Variants in SCAPER observed in about 807,000 individuals in gnomAD.
The protein encoded by SCAPER is S-phase cyclin A associated protein in the ER, also known as S phase cyclin A-associated protein in the endoplasmic reticulum.
In SCAPER, 98 loss-of-function variants were observed where a neutral mutation model predicts 182.2. The ratio of observed to expected loss-of-function variants is 0.54; its 90% confidence interval spans 0.46 to 0.64. SCAPER has a LOEUF of 0.64. Ranked by LOEUF, SCAPER falls within the 30% of genes least tolerant of loss-of-function variation. SCAPER has a pLI of 0.00. For synonymous variants in SCAPER, 605 were observed against 564.6 expected, an observed-to-expected ratio of 1.07 and a Z score of -1.01; for missense variants, 1,432 against 1,690.0, an observed-to-expected ratio of 0.85 and a Z score of 2.68.
At position 76,603,794 on chromosome 15, in the gene SCAPER, T is replaced by C. The variant is rs2050111550; in HGVS notation, c.2711+17970A>G. Among the ~76,000 whole-genome samples the C allele has an allele frequency of 4.1e-5, 5 of 122,502 alleles. 2 individuals are homozygous for C. The allele number at this position is 122,502 out of a possible 152,430, so 80.4% of individuals were successfully genotyped here. Reference sequence around the variant, plus strand: ...CTCTGATGGACAGTGATGATGAGCATTTTTTCATGTGTCTGTTGGCTGCAT... The same window carrying C: ...CTCTGATGGACAGTGATGATGAGCACTTTTTCATGTGTCTGTTGGCTGCAT... On this transcript the variant is annotated intron_variant, in intron 22 of 31. Coordinates refer to ENST00000563290, the MANE Select transcript of SCAPER (RefSeq NM_020843.4).
chr15:76,508,263 C>A (rs920633473), intron 23 of SCAPER, among the ~76,000 whole-genome samples: 1 of 152,064 alleles, frequency 6.6e-6, no homozygotes, highest in African/African-American at 2.4e-5. Context: ...ATTTTCTTTG[C>A]TGTATATTTT....
intron 20 of SCAPER, among the ~76,000 whole-genome samples, chr15:76,667,989 A>G (rs2056747714): frequency 6.6e-6 from 1 of 152,104 alleles, no homozygotes; most frequent in Non-Finnish European, 1.5e-5. Flanking sequence ...AAGTCTCCTC[A>G]AAATCTCCAG....
At chr15:76,601,358 C>CA (rs2049922663) in intron 22 of SCAPER, among the ~76,000 whole-genome samples, 1 of 122,064 alleles carries the variant, frequency 8.2e-6, no homozygotes, top group African/African-American at 2.5e-5. Context: ...GCATATATGA[C>CA]AGTGGTCCCA....
intron 28 of SCAPER, among the ~76,000 whole-genome samples, chr15:76,379,282 G>A (rs1053920790): frequency 1.3e-5 from 2 of 151,872 alleles, no homozygotes; most frequent in Non-Finnish European, 2.9e-5. Flanking sequence ...GGAGAGACAG[G>A]AGAGAGACAC....
At position 76,829,635 on chromosome 15, in the gene SCAPER, G is replaced by A. The variant is rs759483794; in HGVS notation, c.393+12099C>T. On this transcript the variant is annotated intron_variant, in intron 5 of 31. Coordinates refer to ENST00000563290, the MANE Select transcript of SCAPER (RefSeq NM_020843.4). ...ATGCATCTGCTTGAAGAACATTAGC[G>A]CAAGATTAATCCATATACCCACCAT... Among the ~76,000 whole-genome samples, 22 of 152,040 alleles carry A rather than the reference G, an allele frequency of 1.4e-4. 1 individual carries two copies. The highest frequency in any genetic ancestry group is 4.1e-4 in the African/African-American group (17 of 41,450).
chr15:76,499,945 G>A (rs926997880), intron 24 of SCAPER, among the ~76,000 whole-genome samples: 1 of 152,196 alleles, frequency 6.6e-6, no homozygotes, highest in Non-Finnish European at 1.5e-5. Context: ...TAATTAGGCA[G>A]TATAATATGG....
intron 21 of SCAPER, among the ~76,000 whole-genome samples, chr15:76,662,152 A>G (rs781110157): frequency 1.3e-5 from 2 of 152,156 alleles, no homozygotes; most frequent in Non-Finnish European, 2.9e-5. Context: ...GGACACAGGG[A>G]GGGGAACAAC....
intron 15 of SCAPER, among the ~76,000 whole-genome samples, chr15:76,739,964 C>T (rs971007900): frequency 1.3e-5 from 2 of 152,076 alleles, no homozygotes; most frequent in Non-Finnish European, 2.9e-5. Flanking sequence ...ACCAGGAGTT[C>T]GAGACCAGCC....
chr15:76,537,141 C>T (rs1329542223), intron 23 of SCAPER, among the ~76,000 whole-genome samples: 1 of 151,492 alleles, frequency 6.6e-6, no homozygotes, highest in African/African-American at 2.4e-5. Flanking sequence ...GGCCATACTG[C>T]CCAAGGTAAT....
At chr15:76,505,026 T>C (rs2041456087) in intron 23 of SCAPER, 52 bp from the exon 24 acceptor site, 1 of 1,284,090 alleles carries the variant, frequency 7.8e-7, no homozygotes, top group East Asian at 2.4e-5. Flanking sequence ...CATTAAACTA[T>C]AACCAAATGA....
chr15:76,830,876 C>T (rs59572944), intron 5 of SCAPER, among the ~76,000 whole-genome samples: 7,707 of 151,740 alleles, frequency 0.051, 580 homozygotes, highest in African/African-American at 0.16. Flanking sequence ...GAAGACAGAT[C>T]CTGGGGCTGA....
Position 76,674,140 on chromosome 15 carries a change from T to C in SCAPER, c.2509-8351A>G, listed in dbSNP as rs146422985. On this transcript the variant is annotated intron_variant, in intron 20 of 31. Coordinates refer to ENST00000563290, the MANE Select transcript of SCAPER (RefSeq NM_020843.4). Reference sequence around the variant, plus strand: ...GATGAGGGAACCATTTCTTTATAAATGTATTACAAATAATAAATGAAAATG... The same window carrying C: ...GATGAGGGAACCATTTCTTTATAAACGTATTACAAATAATAAATGAAAATG... Among the ~76,000 whole-genome samples, 549 of 152,306 alleles carry C rather than the reference T, an allele frequency of 3.6e-3. 2 individuals are homozygous for C. The highest frequency in any genetic ancestry group is 0.013 in the African/African-American group (527 of 41,574).
intron 29 of SCAPER, among the ~76,000 whole-genome samples, chr15:76,370,308 T>TG (rs2042073665): frequency 2.2e-4 from 30 of 139,048 alleles, no homozygotes; most frequent in Admixed American, 9.5e-4. Context: ...TTTTTTTTTT[T>TG]TTTTTTTTGT....
intron 18 of SCAPER, among the ~76,000 whole-genome samples, chr15:76,703,232 G>C (rs1007384573): frequency 2.0e-5 from 3 of 152,136 alleles, no homozygotes; most frequent in South Asian, 2.1e-4. Context: ...TACAGAACAG[G>C]TTCCATGGTC....
rs2063056939 is a variant in SCAPER at position 76,765,509 on chromosome 15, G to C, written c.1495+54C>G. 23 of 1,607,966 alleles carry C rather than the reference G, an allele frequency of 1.4e-5. No individual in the cohort carries two copies. The South Asian group carries it at 2.5e-4, about 18-fold the overall frequency. ...AGCCACATAGGTCTATAAAACATTT[G>C]AGAACAAACTTTTGAACACTGTACT... On this transcript the variant is annotated intron_variant, in intron 12 of 31. Coordinates refer to ENST00000563290, the MANE Select transcript of SCAPER (RefSeq NM_020843.4).
intron 16 of SCAPER, among the ~76,000 whole-genome samples, chr15:76,732,726 G>A (rs147157842): frequency 2.6e-5 from 4 of 152,294 alleles, no homozygotes; most frequent in African/African-American, 9.6e-5. Context: ...GTCTCCCTGT[G>A]ATGCTGTGCT....
chr15:76,856,190 T>C (rs1366147881), intron 4 of SCAPER, among the ~76,000 whole-genome samples: 2 of 152,126 alleles, frequency 1.3e-5, no homozygotes, highest in African/African-American at 4.8e-5. Context: ...AAATACTGCA[T>C]GTCCTCACTT....
chr15:76,780,675 T>C (rs989437333), intron 8 of SCAPER, among the ~76,000 whole-genome samples: 3 of 152,100 alleles, frequency 2.0e-5, no homozygotes, highest in African/African-American at 4.8e-5. Context: ...GGACAAAGCT[T>C]CCAGAGGAAG....
chr15:76,491,798 A>G (rs548535911), intron 24 of SCAPER, among the ~76,000 whole-genome samples: 2 of 152,034 alleles, frequency 1.3e-5, no homozygotes, highest in Admixed American at 1.3e-4. Context: ...CACCCGGCTA[A>G]TTTTTGTATT....
Sources: allele counts gnomAD v4.1 joint callset (sites outside exome capture counted in the v4.1 genomes callset), GRCh38; gene constraint gnomAD v4.1.1; transcripts MANE v1.5; gene names NCBI Gene and HGNC (gene_info 2026-07-23, HGNC 2026-07-21).